Variants in REV1 observed in about 807,000 individuals in gnomAD.
The protein encoded by REV1 is REV1 DNA directed polymerase.
Under a neutral mutation model 137.4 loss-of-function variants are expected in REV1, and 42 were observed. That is an observed-to-expected ratio of 0.31 (90% CI 0.24 to 0.40). The LOEUF (loss-of-function observed/expected upper bound fraction) is 0.40. Among genes scored for constraint, REV1 ranks in the 10% least tolerant of loss-of-function variants. The pLI, the probability that REV1 is intolerant of heterozygous loss-of-function variation, is 1.00. For synonymous variants in REV1, 524 were observed against 519.2 expected, an observed-to-expected ratio of 1.01 and a Z score of -0.12; for missense variants, 1,282 against 1,490.1, an observed-to-expected ratio of 0.86 and a Z score of 2.30.
chr2:99,444,371 C>T (rs577217153), intron 4 of REV1, among the ~76,000 whole-genome samples: 7 of 152,348 alleles, frequency 4.6e-5, no homozygotes, highest in African/African-American at 1.2e-4. Flanking sequence ...AGGAACAAAA[C>T]GCCCTATGAT....
In REV1 at chr2:99,410,327, A is replaced by G. The variant is rs1045129097; in HGVS notation, c.2345+368T>C. On this transcript the variant is annotated intron_variant, in intron 14 of 22. Transcript: ENST00000258428. ...CACCTGGCCTGTATCATTGTTTTTA[A>G]GAACTACATTGAAATTTTCCTCAGG... Among the ~76,000 whole-genome samples, 5 of 152,214 alleles carry G rather than the reference A, an allele frequency of 3.3e-5. No homozygotes were observed. In the South Asian group the frequency reaches 1.0e-3, roughly 32 times the overall value.
intron 4 of REV1, 38 bp from the exon 5 acceptor site, chr2:99,442,507 T>G: frequency 1.3e-6 from 2 of 1,592,420 alleles, no homozygotes; most frequent in Non-Finnish European, 1.7e-6. Context: ...AGTTCCATAC[T>G]TGGTGACAAT....
chr2:99,411,991 T>C (rs946933273), intron 13 of REV1, among the ~76,000 whole-genome samples: 2 of 151,340 alleles, frequency 1.3e-5, no homozygotes, highest in Non-Finnish European at 2.9e-5. Context: ...CCCAGCACTT[T>C]AGGAGGCTGA....
chr2:99,442,112 C>T (rs28382871), intron 5 of REV1, among the ~76,000 whole-genome samples: 2,185 of 151,950 alleles, frequency 0.014, 60 homozygotes, highest in African/African-American at 0.049. Context: ...ATTAGCCAGG[C>T]GTGGTGGCAC....
intron 15 of REV1, chr2:99,406,701 C>A (rs1214974566): frequency 5.3e-6 from 2 of 376,060 alleles, no homozygotes; most frequent in Non-Finnish European, 9.3e-6. Flanking sequence ...TCTCAAACTT[C>A]AGAGTATCCA....
intron 1 of REV1, among the ~76,000 whole-genome samples, chr2:99,467,049 C>T (rs140781015): frequency 2.6e-5 from 4 of 152,066 alleles, no homozygotes; most frequent in South Asian, 2.1e-4. Flanking sequence ...AAAACACATA[C>T]CCCGATAATT....
At position 99,463,454 on chromosome 2, in the gene REV1, G is replaced by A. The variant is rs1034483894; in HGVS notation, c.55-832C>T. Reference sequence around the variant, plus strand: ...GAATCGCTTGAACCCAGAAGGTGGAGGTTGCAAACGAGCTGAGATCGTGCT... The same window carrying A: ...GAATCGCTTGAACCCAGAAGGTGGAAGTTGCAAACGAGCTGAGATCGTGCT... On this transcript the variant is annotated intron_variant, in intron 2 of 22. Transcript: ENST00000258428. Among the ~76,000 whole-genome samples, 3 of 152,136 alleles carry A rather than the reference G, an allele frequency of 2.0e-5. No individual in the cohort carries two copies. In the South Asian group the frequency reaches 6.2e-4, roughly 32 times the overall value.
chr2:99,465,552 T>TA (rs1276275369), intron 1 of REV1, among the ~76,000 whole-genome samples: 1 of 152,226 alleles, frequency 6.6e-6, no homozygotes, highest in Non-Finnish European at 1.5e-5. Flanking sequence ...AGGCAACACT[T>TA]ACTTAACTAA....
At chr2:99,482,949 G>A (rs1384821270) in intron 1 of REV1, among the ~76,000 whole-genome samples, 1 of 151,300 alleles carries the variant, frequency 6.6e-6, no homozygotes, top group Non-Finnish European at 1.5e-5. Context: ...CCTGGGAGGA[G>A]GAGGTTGCAG....
Position 99,434,359 on chromosome 2 carries a change from G to C in REV1, c.1411C>G (p.Gln471Glu), listed in dbSNP as rs376414211. 2.5e-6 allele frequency: 4 copies of C among 1,608,518 alleles called. No individual in the cohort carries two copies. The highest frequency in any genetic ancestry group is 4.5e-5 in the East Asian group (2 of 44,614). ...ANPQLEWQYY[Q>E]NKILKGKAAD... ...GCTTTGCCTTTCAGGATTTTATTCTGGTAATACTGCCACTCCAGCTGGGGG... is the reference window on the plus strand; with the variant it reads ...GCTTTGCCTTTCAGGATTTTATTCTCGTAATACTGCCACTCCAGCTGGGGG... Residue 471 changes from glutamine (Q) to glutamate (E), a missense_variant, in exon 8 of 23, where the codon CAG becomes GAG. Transcript: ENST00000258428.
At chr2:99,454,550 CAAAAAAAAAA>C (rs373850478) in intron 3 of REV1, among the ~76,000 whole-genome samples, 15 of 82,340 alleles carry the variant, frequency 1.8e-4, no homozygotes, top group Non-Finnish European at 1.6e-4. Flanking sequence ...AACTCCAGCT[CAAAAAAAAAA>C]AAAAAAAAAA....
chr2:99,461,712 C>T (rs567347648), intron 3 of REV1, among the ~76,000 whole-genome samples: 7 of 152,234 alleles, frequency 4.6e-5, no homozygotes, highest in African/African-American at 9.6e-5. Context: ...TACAGTTCAG[C>T]GAAAGATAAA....
At chr2:99,424,803 T>C in intron 9 of REV1, 1 of 1,304,214 alleles carries the variant, frequency 7.7e-7, no homozygotes, top group Non-Finnish European at 1.0e-6. Flanking sequence ...AATTCCATGC[T>C]CCTGAAGTGG....
chr2:99,467,156 T>C (rs1281279780), intron 1 of REV1, among the ~76,000 whole-genome samples: 1 of 152,178 alleles, frequency 6.6e-6, no homozygotes, highest in Admixed American at 6.5e-5. Context: ...TCCAGTTGTG[T>C]AACGTCTGTT....
At chr2:99,439,349 CT>C in intron 5 of REV1, 39 bp from the exon 6 acceptor site, 1 of 1,427,292 alleles carries the variant, frequency 7.0e-7, no homozygotes, top group Non-Finnish European at 9.6e-7. Context: ...TAATATCTGA[CT>C]TTTAGGTTAA....
At chr2:99,418,976 T>C (rs759839453) in intron 11 of REV1, 29 bp from the exon 12 acceptor site, 37 of 1,544,166 alleles carry the variant, frequency 2.4e-5, no homozygotes, top group Non-Finnish European at 3.2e-5. Flanking sequence ...ATCCAAGAAA[T>C]AGTCACAATT....
At chr2:99,454,217 C>T (rs112642816) in intron 3 of REV1, among the ~76,000 whole-genome samples, 55 of 150,786 alleles carry the variant, frequency 3.6e-4, no homozygotes, top group African/African-American at 1.3e-3. Flanking sequence ...CAGCAAGATC[C>T]GTCTTTTAAA....
At chr2:99,475,125 A>G (rs1296417673) in intron 1 of REV1, among the ~76,000 whole-genome samples, 2 of 152,232 alleles carry the variant, frequency 1.3e-5, no homozygotes, top group African/African-American at 4.8e-5. Flanking sequence ...TCCTGCAGAA[A>G]AGGTACACTC....
intron 14 of REV1, among the ~76,000 whole-genome samples, chr2:99,409,853 A>AACCCC (rs1676862859): frequency 5.1e-5 from 4 of 78,470 alleles, no homozygotes; most frequent in Non-Finnish European, 7.5e-5. Context: ...AAAACAAACA[A>AACCCC]CCCCCCCCCC....
Sources: allele counts gnomAD v4.1 joint callset (sites outside exome capture counted in the v4.1 genomes callset), GRCh38; gene constraint gnomAD v4.1.1; transcripts MANE v1.5; gene names NCBI Gene and HGNC (gene_info 2026-07-23, HGNC 2026-07-21).